Variants in KCNMA1 observed in about 807,000 individuals in gnomAD.
The protein encoded by KCNMA1 is potassium calcium-activated channel subfamily M alpha 1.
Under a neutral mutation model 140.0 loss-of-function variants are expected in KCNMA1, and 29 were observed. The ratio of observed to expected loss-of-function variants is 0.21; its 90% CI spans 0.15 to 0.28. The LOEUF (loss-of-function observed/expected upper bound fraction) is 0.28, where lower values mean the gene tolerates loss of function less well. KCNMA1 is among the 10% of genes least tolerant of loss of function. The pLI, the probability that KCNMA1 is intolerant of heterozygous loss-of-function variation, is 1.00. For synonymous variants in KCNMA1, 612 were observed against 611.9 expected, an observed-to-expected ratio of 1.00 and a Z score of 0.00; for missense variants, 880 against 1,602.2, an observed-to-expected ratio of 0.55 and a Z score of 7.70.
chr10:76,946,882 AG>A (rs1365702863), intron 22 of KCNMA1, among the ~76,000 whole-genome samples: 2 of 152,218 alleles, frequency 1.3e-5, no homozygotes, highest in African/African-American at 4.8e-5. Flanking sequence ...CCCTATAGGC[AG>A]GGTACTGTTT....
intron 15 of KCNMA1, among the ~76,000 whole-genome samples, chr10:77,031,665 A>G (rs1285221419): frequency 6.6e-6 from 1 of 152,126 alleles, no homozygotes; most frequent in African/African-American, 2.4e-5. Context: ...TAAGGACTGC[A>G]TCCTGTTGCA....
intron 1 of KCNMA1, among the ~76,000 whole-genome samples, chr10:77,455,698 C>T (rs1215565042): frequency 1.3e-5 from 2 of 152,194 alleles, no homozygotes; most frequent in African/African-American, 4.8e-5. Context: ...AAGGACACTT[C>T]CATCAAACCT....
chr10:77,232,208 G>A (rs533598770), intron 3 of KCNMA1, among the ~76,000 whole-genome samples: 9 of 152,198 alleles, frequency 5.9e-5, no homozygotes, highest in South Asian at 2.1e-4. Flanking sequence ...AGATTGTTTC[G>A]CTGTTATGAA....
intron 1 of KCNMA1, among the ~76,000 whole-genome samples, chr10:77,412,055 A>AGGGAAC (rs1223010712): frequency 9.9e-5 from 15 of 152,190 alleles, no homozygotes; most frequent in Admixed American, 9.8e-4. Flanking sequence ...GGGTTCTGAC[A>AGGGAAC]GGGAACAGGA....
At chr10:76,884,716 C>T (rs1366339623), downstream of KCNMA1, among the ~76,000 whole-genome samples, 1 of 150,634 alleles carries the variant, frequency 6.6e-6, no homozygotes, top group Non-Finnish European at 1.5e-5. Flanking sequence ...ATAGCAGCAG[C>T]ACAGCCTCAT....
chr10:77,475,490 C>T (rs1478223460), intron 1 of KCNMA1, among the ~76,000 whole-genome samples: 2 of 152,136 alleles, frequency 1.3e-5, no homozygotes, highest in Non-Finnish European at 1.5e-5. Context: ...CTTACACACG[C>T]TTAGTGGTCT....
intron 1 of KCNMA1, among the ~76,000 whole-genome samples, chr10:77,606,686 C>G (rs2084662538): frequency 6.6e-6 from 1 of 152,130 alleles, no homozygotes; most frequent in Non-Finnish European, 1.5e-5. Flanking sequence ...TTCCTAAGTC[C>G]TTTCTGAGGG....
At chr10:76,950,808 A>G (rs1032461728) in intron 21 of KCNMA1, among the ~76,000 whole-genome samples, 1 of 152,230 alleles carries the variant, frequency 6.6e-6, no homozygotes, top group African/African-American at 2.4e-5. Flanking sequence ...GGCTGTCACC[A>G]TTATTGGTTT....
At chr10:77,327,781 T>C (rs1008612698) in intron 2 of KCNMA1, among the ~76,000 whole-genome samples, 1 of 137,694 alleles carries the variant, frequency 7.3e-6, no homozygotes, top group Non-Finnish European at 1.7e-5. Context: ...AATAGCCCAC[T>C]GCAAAAAAAA....
intron 2 of KCNMA1, chr10:77,309,352 C>G (rs1376433994): frequency 1.3e-5 from 2 of 152,232 alleles, no homozygotes; most frequent in African/African-American, 4.8e-5. Context: ...ATCTCCCTGA[C>G]AGCAGAACAA....
chr10:77,167,543 T>C (rs1301186948), intron 5 of KCNMA1, among the ~76,000 whole-genome samples: 1 of 151,868 alleles, frequency 6.6e-6, no homozygotes, highest in African/African-American at 2.4e-5. Flanking sequence ...GTTTGTTGAG[T>C]GAATGATGAT....
intron 7 of KCNMA1, 136 bp from the exon 8 acceptor site, chr10:77,110,479 C>A: frequency 1.3e-6 from 1 of 794,214 alleles, no homozygotes; most frequent in East Asian, 2.5e-5. Context: ...GTGTGGTTCC[C>A]GGGCTGAGTT....
intron 3 of KCNMA1, among the ~76,000 whole-genome samples, chr10:77,235,659 T>G (rs1235224298): frequency 6.6e-6 from 1 of 152,168 alleles, no homozygotes; most frequent in Non-Finnish European, 1.5e-5. Flanking sequence ...ATAAATCGCT[T>G]CGTTTTCAAC....
chr10:77,272,369 A>G (rs1038290550), intron 2 of KCNMA1, among the ~76,000 whole-genome samples: 2 of 152,286 alleles, frequency 1.3e-5, no homozygotes, highest in Non-Finnish European at 2.9e-5. Context: ...AGCACTTTCC[A>G]TCTTTCATAT....
At chr10:77,411,706 G>A (rs2096623354) in intron 1 of KCNMA1, among the ~76,000 whole-genome samples, 1 of 152,200 alleles carries the variant, frequency 6.6e-6, no homozygotes, top group Non-Finnish European at 1.5e-5. Flanking sequence ...GGTACTGCTT[G>A]TACCATCACG....
At chr10:77,612,103 C>A (rs1462090215) in intron 1 of KCNMA1, among the ~76,000 whole-genome samples, 1 of 152,126 alleles carries the variant, frequency 6.6e-6, no homozygotes, top group African/African-American at 2.4e-5. Context: ...TAACCAGATC[C>A]AAAAACATCC....
At chr10:77,327,618 G>A (rs1263944999) in intron 2 of KCNMA1, among the ~76,000 whole-genome samples, 2 of 152,046 alleles carry the variant, frequency 1.3e-5, no homozygotes, top group Non-Finnish European at 2.9e-5. Context: ...GCCTCTCAAA[G>A]TGCTAGGATT....
chr10:77,362,958 A>G (rs2094098456), intron 2 of KCNMA1, among the ~76,000 whole-genome samples: 4 of 152,224 alleles, frequency 2.6e-5, no homozygotes, highest in Admixed American at 2.6e-4. Flanking sequence ...ATGATATAAT[A>G]GGAGAGATGC....
chr10:77,362,125 G>A (rs1040495121), intron 2 of KCNMA1, among the ~76,000 whole-genome samples: 11 of 152,216 alleles, frequency 7.2e-5, no homozygotes, highest in East Asian at 1.9e-4. Context: ...GTTGTCTCAC[G>A]CGAGGCTCCC....
Sources: allele counts gnomAD v4.1 joint callset (sites outside exome capture counted in the v4.1 genomes callset), GRCh38; gene constraint gnomAD v4.1.1; transcripts MANE v1.5; gene names NCBI Gene and HGNC (gene_info 2026-07-23, HGNC 2026-07-21).